SPRR2B: variants seen among roughly 807,000 people sequenced by gnomAD.
SPRR2B encodes small proline rich protein 2B.
In SPRR2B, 1 loss-of-function variant was observed where a neutral mutation model predicts 1.0. The observed-to-expected ratio is 1.01, with a 90% confidence interval of 0.36 to 4.77. The LOEUF (loss-of-function observed/expected upper bound fraction) is 4.77. SPRR2B is among the 30% of genes most tolerant of loss of function. The pLI, the probability that SPRR2B is intolerant of heterozygous loss-of-function variation, is 0.16. For missense variants in SPRR2B, 53 were observed against 88.7 expected, an observed-to-expected ratio of 0.60 and a Z score of 1.62; for synonymous variants, 27 against 33.4, an observed-to-expected ratio of 0.81 and a Z score of 0.66.
upstream of SPRR2B, among the ~76,000 whole-genome samples, chr1:153,072,982 A>G (rs1459575361): frequency 2.0e-5 from 3 of 152,216 alleles, no homozygotes; most frequent in Non-Finnish European, 4.4e-5. Context: ...GAAGAAGGAC[A>G]AGGAAGATAA....
the SPRR2B span, among the ~76,000 whole-genome samples, chr1:153,085,475 A>G: frequency 1.3e-5 from 2 of 152,268 alleles, no homozygotes; most frequent in Non-Finnish European, 2.9e-5. Flanking sequence ...CCAGACAAGA[A>G]AAGATAGAAA....
the SPRR2B span, among the ~76,000 whole-genome samples, chr1:153,085,844 C>T: frequency 2.0e-5 from 3 of 152,118 alleles, no homozygotes; most frequent in African/African-American, 7.2e-5. Flanking sequence ...TCAGCAGAAA[C>T]CGTACAAGCA....
the SPRR2B span, among the ~76,000 whole-genome samples, chr1:153,079,073 T>A: frequency 6.6e-6 from 1 of 152,240 alleles, no homozygotes; most frequent in African/African-American, 2.4e-5. Flanking sequence ...TGTGAGATGG[T>A]ATCTCATTGT....
chr1:153,071,841 C>A (rs977210088), upstream of SPRR2B, among the ~76,000 whole-genome samples: 3 of 152,174 alleles, frequency 2.0e-5, no homozygotes, highest in Non-Finnish European at 4.4e-5. Flanking sequence ...AACTGGTGGT[C>A]AAGGGCTCTC....
chr1:153,078,816 A>G, the SPRR2B span, among the ~76,000 whole-genome samples: 1 of 152,222 alleles, frequency 6.6e-6, no homozygotes, highest in Non-Finnish European at 1.5e-5. Flanking sequence ...TAGTGCTGCA[A>G]TAAACATATG....
At chr1:153,082,708 G>A in the SPRR2B span, among the ~76,000 whole-genome samples, 2 of 151,780 alleles carry the variant, frequency 1.3e-5, no homozygotes, top group South Asian at 4.2e-4. Flanking sequence ...GCAGCAAAAA[G>A]CAGTGCTAAC....
upstream of SPRR2B, among the ~76,000 whole-genome samples, chr1:153,071,714 G>T (rs1391213987): frequency 2.0e-5 from 3 of 152,256 alleles, no homozygotes. Flanking sequence ...CAACCAAAAT[G>T]CAAATTTATC....
intron 1 of SPRR2B, among the ~76,000 whole-genome samples, chr1:153,071,353 G>A (rs945902918): frequency 2.0e-5 from 3 of 152,190 alleles, no homozygotes; most frequent in South Asian, 2.1e-4. Flanking sequence ...TCCAACCAAA[G>A]CTTTCCTATT....
chr1:153,071,400 T>TA, intron 1 of SPRR2B, among the ~76,000 whole-genome samples, 169 bp downstream of exon 1: 1 of 142,980 alleles, frequency 7.0e-6, no homozygotes, highest in East Asian at 1.9e-4. Context: ...ACTGTATATA[T>TA]TTTTTAAAGC....
chr1:153,071,919 C>T (rs1036628728), upstream of SPRR2B, among the ~76,000 whole-genome samples: 79 of 152,164 alleles, frequency 5.2e-4, no homozygotes, highest in African/African-American at 1.6e-3. Flanking sequence ...CTTCCTGCCC[C>T]GATCCACTTT....
rs746623510 is a variant in SPRR2B at position 153,070,634 on chromosome 1, G to C, written c.206C>G (p.Pro69Arg). ...ATCCTGAAGCTGTTACTTGCTCTTC[G>C]GTGGATACTTTGGCTGGCAGGGTGG... ...PSPPCQPKYP[P>R]KSK Residue 69 changes from proline to arginine, a missense_variant, in exon 2 of 2, where the codon CCG (proline) becomes CGG (arginine). Transcript: ENST00000368755. The C allele has an allele frequency of 6.2e-7, 1 of 1,612,170 alleles. No individual in the cohort carries two copies. Among genetic ancestry groups the C allele is most frequent in the Non-Finnish European group, 8.5e-7 (1 of 1,179,812 alleles).
the SPRR2B span, among the ~76,000 whole-genome samples, chr1:153,084,177 C>T: frequency 3.9e-5 from 6 of 152,178 alleles, no homozygotes; most frequent in Admixed American, 3.9e-4. Flanking sequence ...GCTCGCTCCA[C>T]AAACTACAGC....
chr1:153,079,375 A>G, the SPRR2B span, among the ~76,000 whole-genome samples: 1 of 151,962 alleles, frequency 6.6e-6, no homozygotes, highest in African/African-American at 2.4e-5. Flanking sequence ...TTAATTAGAT[A>G]CCATTTGTCA....
At chr1:153,081,144 C>T in the SPRR2B span, among the ~76,000 whole-genome samples, 2 of 152,144 alleles carry the variant, frequency 1.3e-5, no homozygotes. Context: ...CCGTGACACA[C>T]CTTATAATCA....
the SPRR2B span, among the ~76,000 whole-genome samples, chr1:153,085,244 A>G: frequency 6.6e-6 from 1 of 152,314 alleles, no homozygotes; most frequent in African/African-American, 2.4e-5. Flanking sequence ...ATGTAGGAGT[A>G]TGTTGAAACC....
At chr1:153,082,051 A>C in the SPRR2B span, among the ~76,000 whole-genome samples, 3 of 152,130 alleles carry the variant, frequency 2.0e-5, no homozygotes, top group Non-Finnish European at 2.9e-5. Context: ...GCTGGATATG[A>C]GTCAACTTTT....
At chr1:153,071,160 C>T (rs1168534385) in intron 1 of SPRR2B, among the ~76,000 whole-genome samples, 3 of 126,254 alleles carry the variant, frequency 2.4e-5, no homozygotes, top group Admixed American at 7.5e-5. Context: ...GTTCAGACCC[C>T]CTGGGCAATC....
At chr1:153,071,482 T>G (rs1005064626) in intron 1 of SPRR2B, among the ~76,000 whole-genome samples, 87 bp downstream of exon 1, 2 of 152,146 alleles carry the variant, frequency 1.3e-5, no homozygotes, top group Non-Finnish European at 2.9e-5. Flanking sequence ...CCCATGATCA[T>G]AGGTTTGAAT....
At chr1:153,072,192 T>A (rs1160887409), upstream of SPRR2B, among the ~76,000 whole-genome samples, 2 of 152,182 alleles carry the variant, frequency 1.3e-5, no homozygotes, top group African/African-American at 4.8e-5. Flanking sequence ...CCTCTGTCTT[T>A]CTCTCACAGA....
Sources: gnomAD v4.1 joint callset for allele counts (sites outside exome capture counted in the v4.1 genomes callset) on GRCh38, gnomAD v4.1.1 for gene constraint, MANE v1.5 for transcripts, NCBI Gene and HGNC (gene_info 2026-07-23, HGNC 2026-07-21) for gene names.